Variants in CELF2 observed in about 807,000 individuals in gnomAD.
CELF2 encodes CUGBP Elav-like family member 2.
Under a neutral mutation model 62.6 loss-of-function variants are expected in CELF2, and 8 were observed. The observed-to-expected ratio is 0.13, with a 90% CI of 0.07 to 0.23. The LOEUF (loss-of-function observed/expected upper bound fraction) is 0.23, where lower values mean the gene tolerates loss of function less well. CELF2 is among the 10% of genes least tolerant of loss of function. The pLI is 1.00. For synonymous variants in CELF2, 258 were observed against 250.0 expected (o/e 1.03, Z -0.30); for missense variants, 333 against 671.0 (o/e 0.50, Z 5.56).
chr10:10,773,144 G>T, the CELF2 span, among the ~76,000 whole-genome samples: 2 of 152,100 alleles, frequency 1.3e-5, no homozygotes, highest in African/African-American at 4.8e-5. Context: ...ACACAAATAT[G>T]GTGTTGATTT....
At chr10:11,195,124 C>A (rs1358120574) in intron 2 of CELF2, among the ~76,000 whole-genome samples, 2 of 152,206 alleles carry the variant, frequency 1.3e-5, no homozygotes, top group African/African-American at 4.8e-5. Context: ...CAGCATTCGA[C>A]CATGAACTTA....
intron 9 of CELF2, among the ~76,000 whole-genome samples, chr10:11,310,616 T>C (rs2094512842): frequency 6.6e-6 from 1 of 152,034 alleles, no homozygotes; most frequent in African/African-American, 2.4e-5. Context: ...TGTGAAAATG[T>C]TCAGGCCTTT....
chr10:11,323,323 C>T (rs559186609), intron 11 of CELF2, among the ~76,000 whole-genome samples: 2 of 151,866 alleles, frequency 1.3e-5, no homozygotes, highest in African/African-American at 4.8e-5. Context: ...TCTTCTGATC[C>T]CTTTCTCACC....
rs2095232424 is a variant in CELF2, at chr10:11,318,699, T to G, written c.1097-2490T>G. 2.2e-6 allele frequency: 1 copy of G among 450,924 alleles called. No homozygotes were observed. Among genetic ancestry groups the G allele is most frequent in the South Asian group, 1.6e-5 (1 of 61,364 alleles). The allele number at this position is 450,924 out of a possible 1,614,324, so 27.9% of individuals were successfully genotyped here. On this transcript the variant is annotated intron_variant, in intron 10 of 12. Transcript: ENST00000633077. The surrounding 1 kb of genome is among the most constrained non-coding windows in gnomAD (Gnocchi z 5.4). Reference sequence around the variant, plus strand: ...CTTCTGCATTGTAAGAGAGAAACATTTTTGGCAAAAAGGAGAAAGAGTTCA... The same window carrying G: ...CTTCTGCATTGTAAGAGAGAAACATGTTTGGCAAAAAGGAGAAAGAGTTCA...
chr10:10,573,336 G>T, the CELF2 span, among the ~76,000 whole-genome samples: 4 of 152,274 alleles, frequency 2.6e-5, no homozygotes, highest in African/African-American at 9.6e-5. Context: ...TTCTTTGGCT[G>T]TGCAGAAGCT....
the CELF2 span, among the ~76,000 whole-genome samples, chr10:10,793,082 C>T: frequency 6.6e-6 from 1 of 152,170 alleles, no homozygotes; most frequent in Non-Finnish European, 1.5e-5. Flanking sequence ...TGCACTGGGT[C>T]TTTTGCATAT....
the CELF2 span, among the ~76,000 whole-genome samples, chr10:10,731,491 T>G: frequency 6.6e-6 from 1 of 152,168 alleles, no homozygotes; most frequent in East Asian, 1.9e-4. Context: ...AGAATCTAAA[T>G]GAAATGACAT....
chr10:10,619,335 G>A, the CELF2 span, among the ~76,000 whole-genome samples: 3 of 152,192 alleles, frequency 2.0e-5, no homozygotes, highest in Admixed American at 2.0e-4. Flanking sequence ...CATGTAGTAG[G>A]TAGTAGTAGG....
At chr10:10,657,530 T>TA in the CELF2 span, among the ~76,000 whole-genome samples, 1 of 151,978 alleles carries the variant, frequency 6.6e-6, no homozygotes, top group East Asian at 1.9e-4. Flanking sequence ...AGTTACGAAA[T>TA]AAAAAAATGA....
intron 7 of CELF2, among the ~76,000 whole-genome samples, chr10:11,274,233 A>G (rs1303032815): frequency 6.6e-6 from 1 of 152,166 alleles, no homozygotes; most frequent in Admixed American, 6.5e-5. Context: ...AAGATCCATA[A>G]GTTCAGCCCA....
In CELF2 at chr10:11,280,699, CAG is replaced by C. The variant is rs2088145745; in HGVS notation, c.841+5582_841+5583del. 6.6e-6 allele frequency among the ~76,000 whole-genome samples: 1 copy of C among 152,194 alleles called. No individual in the cohort carries two copies. The highest frequency in any genetic ancestry group is 1.5e-5 in the Non-Finnish European group (1 of 68,026). On this transcript the variant is annotated intron_variant, in intron 8 of 12. Transcript: ENST00000633077. The surrounding 1 kb of genome is among the most constrained non-coding windows in gnomAD (Gnocchi z 7.6). The stretch of plus-strand genomic sequence containing the variant: ...AGGGATGTCCATGGGGCAGGATGGA[CAG>C]AGGACACATGGGCCACGGCCTCTGC...
chr10:10,856,681 CG>C (rs1564725738), intron 1 of CELF2, among the ~76,000 whole-genome samples: 1 of 152,196 alleles, frequency 6.6e-6, no homozygotes, highest in East Asian at 1.9e-4. Flanking sequence ...GCCTTCTACT[CG>C]TGCACTCATT....
intron 1 of CELF2, among the ~76,000 whole-genome samples, chr10:11,063,367 C>T (rs2067286479): frequency 6.6e-6 from 1 of 152,214 alleles, no homozygotes; most frequent in African/African-American, 2.4e-5. Flanking sequence ...CAGGCGACTA[C>T]TACCAAACAT....
intron 1 of CELF2, among the ~76,000 whole-genome samples, chr10:10,881,164 G>A (rs942127044): frequency 5.9e-5 from 9 of 152,170 alleles, no homozygotes; most frequent in Non-Finnish European, 1.2e-4. Context: ...CTGTCCCTCT[G>A]TCCTTGGACT....
At chr10:11,027,508 C>A (rs1237758361) in intron 1 of CELF2, among the ~76,000 whole-genome samples, 1 of 151,964 alleles carries the variant, frequency 6.6e-6, no homozygotes, top group African/African-American at 2.4e-5. Flanking sequence ...TGAGTACTTG[C>A]TACAGAATTT....
chr10:10,534,639 G>C, the CELF2 span, among the ~76,000 whole-genome samples: 1 of 151,986 alleles, frequency 6.6e-6, no homozygotes, highest in African/African-American at 2.4e-5. Flanking sequence ...GTAGTTCTAC[G>C]CCTGTCTTCC....
At chr10:11,143,397 A>C (rs1232257924) in intron 1 of CELF2, among the ~76,000 whole-genome samples, 3 of 152,138 alleles carry the variant, frequency 2.0e-5, no homozygotes, top group African/African-American at 7.2e-5. Context: ...GGCCCTAGGG[A>C]CTTGACCATT....
At chr10:10,904,733 A>C (rs891364512) in intron 1 of CELF2, among the ~76,000 whole-genome samples, 2 of 152,156 alleles carry the variant, frequency 1.3e-5, no homozygotes, top group Admixed American at 6.5e-5. Flanking sequence ...CTTTAACCCC[A>C]TACTCCTGAG....
chr10:10,540,143 C>G, the CELF2 span, among the ~76,000 whole-genome samples: 1 of 152,180 alleles, frequency 6.6e-6, no homozygotes, highest in Non-Finnish European at 1.5e-5. Context: ...TGGGGACAGC[C>G]TTCCTCAGAT....
Sources: allele counts gnomAD v4.1 joint callset (sites outside exome capture counted in the v4.1 genomes callset), GRCh38; gene constraint gnomAD v4.1.1; non-coding constraint Gnocchi (gnomAD v3.1); transcripts MANE v1.5; gene names NCBI Gene and HGNC (gene_info 2026-07-23, HGNC 2026-07-21).